Variants in FGF13 observed in about 807,000 individuals in gnomAD.
FGF13 encodes fibroblast growth factor homologous factor 2.
Under a neutral mutation model 19.5 loss-of-function variants are expected in FGF13, and 2 were observed. The observed-to-expected ratio is 0.10, with a 90% CI of 0.04 to 0.32. FGF13 has a LOEUF of 0.32. FGF13 is among the 10% of genes least tolerant of loss of function. The probability of loss-of-function intolerance (pLI) is 1.00; values close to 1 mark genes in which losing one functional copy is unlikely to be tolerated. For synonymous variants in FGF13, 72 were observed against 76.9 expected (o/e 0.94, Z 0.33); for missense variants, 113 against 192.7 (o/e 0.59, Z 2.45).
intron 1 of FGF13, among the ~76,000 whole-genome samples, chrX:138,900,628 A>G (rs1462993608): frequency 1.8e-5 from 2 of 111,547 alleles, no homozygotes; most frequent in Non-Finnish European, 3.8e-5. Flanking sequence ...CTTCTACTCA[A>G]TTATTCATAT....
chrX:138,878,122 G>A (rs144345941), intron 1 of FGF13, among the ~76,000 whole-genome samples: 101 of 109,889 alleles, frequency 9.2e-4, no homozygotes, highest in Middle Eastern at 9.4e-3. Context: ...ACACCCTAAT[G>A]AGTGTGAAGT....
intron 3 of FGF13, among the ~76,000 whole-genome samples, chrX:138,844,864 T>C (rs2091171421): frequency 9.0e-6 from 1 of 111,486 alleles, no homozygotes; most frequent in African/African-American, 3.3e-5. Context: ...TCCTGAGCAA[T>C]TGAAATGCAA....
intron 3 of FGF13, among the ~76,000 whole-genome samples, chrX:138,810,998 G>A (rs1257648376): frequency 8.9e-6 from 1 of 112,153 alleles, no homozygotes; most frequent in Non-Finnish European, 1.9e-5. Context: ...CTGTTGGTGG[G>A]ACTGTAAACT....
intron 1 of FGF13, among the ~76,000 whole-genome samples, chrX:138,985,739 C>G (rs776531302): frequency 3.8e-4 from 42 of 111,979 alleles, no homozygotes; most frequent in African/African-American, 1.1e-3. Flanking sequence ...ATTACTCAAA[C>G]TATTGTTGTT....
At chrX:139,153,721 T>C (rs1460662158) in intron 1 of FGF13, among the ~76,000 whole-genome samples, 6 of 111,944 alleles carry the variant, frequency 5.4e-5, no homozygotes, top group Non-Finnish European at 1.1e-4. Flanking sequence ...TATTTGGAAA[T>C]AAAGTCTCTA....
chrX:138,765,098 G>A (rs935381183), intron 3 of FGF13, among the ~76,000 whole-genome samples: 1 of 112,093 alleles, frequency 8.9e-6, no homozygotes, highest in Non-Finnish European at 1.9e-5. Context: ...ATGTATTTGG[G>A]AAAAGTCTTA....
chrX:138,912,214 C>T (rs2091591504), intron 1 of FGF13, among the ~76,000 whole-genome samples: 1 of 112,069 alleles, frequency 8.9e-6, no homozygotes, highest in African/African-American at 3.2e-5. Flanking sequence ...AATCTGTCTT[C>T]CCCTTTATCT....
intron 1 of FGF13, among the ~76,000 whole-genome samples, chrX:138,895,227 G>A (rs2091498352): frequency 8.9e-6 from 1 of 112,030 alleles, no homozygotes; most frequent in African/African-American, 3.2e-5. Context: ...TATACATGGT[G>A]TAATTATTAC....
At chrX:139,128,845 A>G (rs1232043708) in intron 1 of FGF13, among the ~76,000 whole-genome samples, 1 of 111,291 alleles carries the variant, frequency 9.0e-6, no homozygotes, top group African/African-American at 3.3e-5. Context: ...AAACTAGTAA[A>G]TAATTATCTA....
intron 1 of FGF13, among the ~76,000 whole-genome samples, chrX:139,046,970 C>G: frequency 8.9e-6 from 1 of 111,826 alleles, no homozygotes; most frequent in East Asian, 2.8e-4. Flanking sequence ...AATAACTGGT[C>G]TGTCCTCAAA....
intron 1 of FGF13, among the ~76,000 whole-genome samples, chrX:138,992,268 C>T (rs1320344766): frequency 9.0e-6 from 1 of 111,015 alleles, no homozygotes; most frequent in African/African-American, 3.3e-5. Context: ...ACATTTTCTT[C>T]CTGTTTATCA....
chrX:139,152,326 C>T (rs201949414), intron 1 of FGF13, among the ~76,000 whole-genome samples: 1 of 80,968 alleles, frequency 1.2e-5, no homozygotes, highest in Non-Finnish European at 2.5e-5. Context: ...AAAAAAAAAA[C>T]AAAAAAAAAA....
chrX:139,076,253 G>T (rs1043707969), intron 1 of FGF13, among the ~76,000 whole-genome samples: 3 of 111,323 alleles, frequency 2.7e-5, no homozygotes, highest in Admixed American at 9.6e-5. Context: ...GTGCATTCTG[G>T]TTTAAAAAAA....
chrX:138,824,973 C>T (rs903452272), intron 3 of FGF13, among the ~76,000 whole-genome samples: 1 of 111,987 alleles, frequency 8.9e-6, no homozygotes, highest in Non-Finnish European at 1.9e-5. Context: ...GCTTCCAATA[C>T]ATTTTTTATG....
chrX:139,134,222 A>G (rs1322726333), intron 1 of FGF13, among the ~76,000 whole-genome samples: 1 of 111,232 alleles, frequency 9.0e-6, no homozygotes, highest in East Asian at 2.9e-4. Context: ...ATGTGTCCTA[A>G]TCCAATTTCT....
intron 1 of FGF13, among the ~76,000 whole-genome samples, chrX:139,004,020 C>T (rs1260525019): frequency 1.8e-5 from 2 of 112,418 alleles, no homozygotes; most frequent in African/African-American, 6.5e-5. Flanking sequence ...CTGCGCCGTG[C>T]ACTCGCATTC....
intron 1 of FGF13, among the ~76,000 whole-genome samples, chrX:138,871,820 A>G (rs2091359038): frequency 8.9e-6 from 1 of 111,752 alleles, no homozygotes; most frequent in East Asian, 2.8e-4. Context: ...ATTGAAGAGG[A>G]GAGAGGTAGG....
intron 1 of FGF13, 125 bp from the exon 2 acceptor site, chrX:138,709,053 G>A: frequency 2.5e-6 from 1 of 400,142 alleles, no homozygotes; most frequent in East Asian, 4.0e-5. Flanking sequence ...ACACTTTTAA[G>A]GTGTCTGGAA....
chrX:138,934,960 T>C (rs1185400405), intron 1 of FGF13, among the ~76,000 whole-genome samples: 5 of 110,378 alleles, frequency 4.5e-5, no homozygotes, highest in African/African-American at 9.9e-5. Flanking sequence ...CTAGTGAGAA[T>C]AGAATTTGTG....
Sources: allele counts gnomAD v4.1 joint callset (sites outside exome capture counted in the v4.1 genomes callset), GRCh38; gene constraint gnomAD v4.1.1; transcripts MANE v1.5; gene names NCBI Gene and HGNC (gene_info 2026-07-23, HGNC 2026-07-21).